The following NRG2 variants were observed in gnomAD, a reference collection of about 807,000 sequenced individuals.
The protein encoded by NRG2 is neuregulin 2.
NRG2 carries 27 observed loss-of-function variants against 73.9 expected under a neutral mutation model. The observed-to-expected ratio is 0.37, with a 90% CI of 0.27 to 0.50. The LOEUF (loss-of-function observed/expected upper bound fraction) is 0.50. Ranked by LOEUF, NRG2 falls within the 20% of genes least tolerant of loss-of-function variation. NRG2 has a pLI of 0.96. For missense variants in NRG2, 1,126 were observed against 1,210.1 expected (o/e 0.93, Z 1.03); for synonymous variants, 532 against 541.0 (o/e 0.98, Z 0.23).
At chr5:139,987,649 C>T (rs140906680) in intron 1 of NRG2, among the ~76,000 whole-genome samples, 1 of 152,270 alleles carries the variant, frequency 6.6e-6, no homozygotes, top group East Asian at 1.9e-4. Context: ...TGGATGTTGC[C>T]TCATACCAGT....
rs370889827 is a variant in NRG2, at chr5:139,851,709, C to T, written c.1667G>A (p.Arg556Gln). The T allele has an allele frequency of 1.7e-5, 28 of 1,614,182 alleles. No homozygotes were observed. The highest frequency in any genetic ancestry group is 6.7e-5 in the East Asian group (3 of 44,882). Reference sequence around the variant, plus strand: ...GTTGTAGGCTGCTGCCCGCCTTGCCCGGGCCTCCACACATGCTGGGCTGTT... The same window carrying T: ...GTTGTAGGCTGCTGCCCGCCTTGCCTGGGCCTCCACACATGCTGGGCTGTT... Reference protein sequence around the residue: ...KCNSPACVEARARRAAAYNLE... With the variant: ...KCNSPACVEAQARRAAAYNLE... Residue 556 changes from arginine (R) to glutamine (Q), a missense_variant, in exon 9 of 10, where the codon CGG (arginine) becomes CAG (glutamine). By Grantham distance (43) the Arg-to-Gln change is conservative (BLOSUM62 1). This residue lies in a region of NRG2 where 539 missense variants were observed against 703.2 expected (regional missense o/e 0.77). Coordinates refer to ENST00000361474, the MANE Select transcript of NRG2 (RefSeq NM_004883.3). The surrounding 1 kb of genome is among the most constrained non-coding windows in gnomAD (Gnocchi z 4.2).
Position 139,864,942 on chromosome 5 carries a change from G to A in NRG2, c.1189+607C>T, listed in dbSNP as rs560396605. 4.1e-5 allele frequency: 29 copies of A among 700,704 alleles called. 1 individual carries two copies. The South Asian group carries it at 4.3e-4, about 10-fold the overall frequency. 43.4% of individuals were successfully genotyped at this position (700,704 alleles called of 1,614,324 possible). ...AGAGAACTTGGCATTACTGTGCCCA[G>A]GAGGTACAGCCCACATGTGGAGGTG... On this transcript the variant is annotated intron_variant, in intron 5 of 9. Transcript: ENST00000361474.
At position 139,848,118 on chromosome 5, in the gene NRG2, C is replaced by CGCGTCGTCCGCG. The variant is rs1343774858; in HGVS notation, c.2340_2351dup (p.Ala781_Ala784dup). ...TGCTCTCGGCCGCCAGCGCCCCGTC[C>CGCGTCGTCCGCG]GCGTCGTCCGCGTCGTCGTCCGACG... On this transcript the variant is annotated inframe_insertion, in exon 10 of 10. Transcript: ENST00000361474. 2 of 1,471,470 alleles carry CGCGTCGTCCGCG rather than the reference C, an allele frequency of 1.4e-6. No homozygotes were observed. Among genetic ancestry groups the CGCGTCGTCCGCG allele is most frequent in the East Asian group, 6.0e-5 (2 of 33,142 alleles). 91.2% of individuals were successfully genotyped at this position (1,471,470 alleles called of 1,614,324 possible).
At chr5:139,892,562 ACACCCTCTCTGAGCTAGGTCTGG>A (rs1261538498) in intron 1 of NRG2, among the ~76,000 whole-genome samples, 1 of 152,016 alleles carries the variant, frequency 6.6e-6, no homozygotes, top group Non-Finnish European at 1.5e-5. Context: ...CCTCACCTAG[ACACCCTCTCTGAGCTAGGTCTGG>A]TATTGCCTGT....
At chr5:140,021,902 T>C (rs1249198945) in intron 1 of NRG2, among the ~76,000 whole-genome samples, 1 of 152,220 alleles carries the variant, frequency 6.6e-6, no homozygotes, top group East Asian at 1.9e-4. Context: ...GGTTCTTTCC[T>C]TCCTACAGTC....
rs1483198736 is a variant in NRG2 at position 139,856,187 on chromosome 5, TG to T, written c.1190-410del. 2 of 205,808 alleles carry T rather than the reference TG, an allele frequency of 9.7e-6. No homozygotes were observed. The highest frequency in any genetic ancestry group is 2.0e-5 in the Non-Finnish European group (2 of 98,496). The allele number at this position is 205,808 out of a possible 1,614,324, so 12.7% of individuals were successfully genotyped here. A position where few individuals can be genotyped will look rare whatever the true frequency, so the allele number is the denominator to read the frequency against. On this transcript the variant is annotated intron_variant, in intron 5 of 9. Coordinates refer to ENST00000361474, the MANE Select transcript of NRG2 (RefSeq NM_004883.3). This position sits in a 1 kb window ranked among gnomAD's most constrained non-coding sequence, Gnocchi z 4.2. Reference sequence around the variant, plus strand: ...GTGGCCTGGTAGCTGCAAAGAACCTTGGTGGGCCAAGAGGAGTTGTTCTTCC... The same window carrying T: ...GTGGCCTGGTAGCTGCAAAGAACCTTGTGGGCCAAGAGGAGTTGTTCTTCC...
chr5:139,866,199 CA>C (rs1282671341), intron 4 of NRG2, among the ~76,000 whole-genome samples: 1 of 152,180 alleles, frequency 6.6e-6, no homozygotes. Context: ...TCTGTTCTTT[CA>C]AAGAGGGTTC....
chr5:139,933,785 T>C (rs1168246033), intron 1 of NRG2, among the ~76,000 whole-genome samples: 1 of 152,174 alleles, frequency 6.6e-6, no homozygotes, highest in East Asian at 1.9e-4. Context: ...AAATGCAAAA[T>C]GCATATTCAA....
intron 1 of NRG2, among the ~76,000 whole-genome samples, chr5:139,994,134 C>T (rs1032744365): frequency 1.1e-4 from 17 of 152,196 alleles, no homozygotes; most frequent in African/African-American, 3.4e-4. Context: ...AATTATCAAA[C>T]AACACATAGT....
intron 1 of NRG2, among the ~76,000 whole-genome samples, chr5:139,919,627 T>C (rs1751515911): frequency 6.6e-6 from 1 of 152,214 alleles, no homozygotes; most frequent in Non-Finnish European, 1.5e-5. Flanking sequence ...AGTCTCTGTC[T>C]TGAGGAGCTC....
chr5:139,957,578 C>T (rs1412328402), intron 1 of NRG2, among the ~76,000 whole-genome samples: 3 of 152,136 alleles, frequency 2.0e-5, no homozygotes, highest in Non-Finnish European at 4.4e-5. Flanking sequence ...CCACCTCTTC[C>T]CCACTCTGTT....
intron 1 of NRG2, among the ~76,000 whole-genome samples, chr5:139,934,185 T>G (rs1016944206): frequency 6.6e-6 from 1 of 152,190 alleles, no homozygotes; most frequent in African/African-American, 2.4e-5. Context: ...GGAGTGAGAC[T>G]CTGTCTCAAT....
intron 1 of NRG2, among the ~76,000 whole-genome samples, chr5:139,985,494 C>T (rs2126574197): frequency 6.6e-6 from 1 of 152,302 alleles, no homozygotes; most frequent in East Asian, 1.9e-4. Context: ...GAAACAGGAA[C>T]AGCACCTCCT....
At chr5:139,958,165 C>A (rs1390170740) in intron 1 of NRG2, among the ~76,000 whole-genome samples, 3 of 152,068 alleles carry the variant, frequency 2.0e-5, no homozygotes, top group Non-Finnish European at 4.4e-5. Flanking sequence ...AGTCTTACAG[C>A]CTGTGAAATA....
At chr5:139,950,716 C>A (rs915085856) in intron 1 of NRG2, among the ~76,000 whole-genome samples, 2 of 152,240 alleles carry the variant, frequency 1.3e-5, no homozygotes, top group African/African-American at 2.4e-5. Flanking sequence ...AAGGCTCCCA[C>A]ATATTGAGCC....
chr5:139,916,887 G>A (rs1751297616), intron 1 of NRG2, among the ~76,000 whole-genome samples: 1 of 152,178 alleles, frequency 6.6e-6, no homozygotes, highest in African/African-American at 2.4e-5. Context: ...GTGTGGACAT[G>A]TGCTTTCATT....
rs971193473 is a variant in NRG2 at position 139,869,152 on chromosome 5, C to A, written c.1112+2569G>T. Among the ~76,000 whole-genome samples, 2 of 152,060 alleles carry A rather than the reference C, an allele frequency of 1.3e-5. No homozygotes were observed. The highest frequency in any genetic ancestry group is 4.8e-5 in the African/African-American group (2 of 41,382). The stretch of plus-strand genomic sequence containing the variant: ...AAAACAAAATTCAGTATCAGTGACA[C>A]TGTTTCTTTTGGCACTGAATTCCAG... On this transcript the variant is annotated intron_variant, in intron 4 of 9. Transcript: ENST00000361474. The surrounding 1 kb of genome is among the most constrained non-coding windows in gnomAD (Gnocchi z 4.5).
At chr5:140,005,360 A>G (rs930860790) in intron 1 of NRG2, among the ~76,000 whole-genome samples, 2 of 152,162 alleles carry the variant, frequency 1.3e-5, no homozygotes, top group Non-Finnish European at 2.9e-5. Flanking sequence ...GTGCTTCCCC[A>G]TACTCTCACG....
chr5:139,887,574 G>C lies in NRG2; in HGVS notation c.701-63C>G. Reference sequence around the variant, plus strand: ...GTAGGGGCAGTGCCAAGCATGAGTAGTGGAGAGTAAGGGCCACTGTCTTTG... The same window carrying C: ...GTAGGGGCAGTGCCAAGCATGAGTACTGGAGAGTAAGGGCCACTGTCTTTG... On this transcript the variant is annotated intron_variant, in intron 1 of 9. Transcript: ENST00000361474. This position sits in a 1 kb window ranked among gnomAD's most constrained non-coding sequence, Gnocchi z 4.5. 6.7e-7 allele frequency: 1 copy of C among 1,499,320 alleles called. No homozygotes were observed. Among genetic ancestry groups the C allele is most frequent in the Non-Finnish European group, 9.2e-7 (1 of 1,087,826 alleles). The allele number at this position is 1,499,320 out of a possible 1,614,324, so 92.9% of individuals were successfully genotyped here. A position where few individuals can be genotyped will look rare whatever the true frequency, so the allele number is the denominator to read the frequency against.
Sources: allele counts gnomAD v4.1 joint callset (sites outside exome capture counted in the v4.1 genomes callset), GRCh38; gene constraint gnomAD v4.1.1; regional missense constraint gnomAD v4.1.1; non-coding constraint Gnocchi (gnomAD v3.1); transcripts MANE v1.5; gene names NCBI Gene and HGNC (gene_info 2026-07-23, HGNC 2026-07-21).